CCDC158: variants seen among roughly 807,000 people sequenced by gnomAD.
CCDC158 encodes coiled-coil domain-containing protein 158.
In CCDC158, 116 loss-of-function variants were observed where a neutral mutation model predicts 138.6. That is an observed-to-expected ratio of 0.84 (90% CI 0.72 to 0.98). CCDC158 has a LOEUF of 0.98. Ranked by LOEUF, CCDC158 falls within the 50% of genes least tolerant of loss-of-function variation. The probability of loss-of-function intolerance (pLI) is 0.00; values close to 1 mark genes in which losing one functional copy is unlikely to be tolerated. For synonymous variants in CCDC158, 436 were observed against 442.4 expected (o/e 0.99, Z 0.18); for missense variants, 1,265 against 1,306.1 (o/e 0.97, Z 0.48).
At chr4:76,349,754 G>A (rs1722883556) in intron 18 of CCDC158, among the ~76,000 whole-genome samples, 1 of 152,134 alleles carries the variant, frequency 6.6e-6, no homozygotes, top group Admixed American at 6.5e-5. Context: ...TTCAGTGATG[G>A]ATGCCATTCT....
chr4:76,371,607 G>T, intron 9 of CCDC158, 71 bp from the exon 10 acceptor site: 1 of 1,539,504 alleles, frequency 6.5e-7, no homozygotes, highest in Non-Finnish European at 8.9e-7. Flanking sequence ...TATAGACTTT[G>T]GAAAACAAAT....
At chr4:76,326,128 G>T in intron 22 of CCDC158, 113 bp from the exon 23 acceptor site, 1 of 824,802 alleles carries the variant, frequency 1.2e-6, no homozygotes, top group Non-Finnish European at 1.9e-6. Context: ...TGGAGGGACA[G>T]GGGGACATTC....
chr4:76,367,874 T>C lies in CCDC158; in HGVS notation c.1348-98A>G, dbSNP rs1724847322. Reference sequence around the variant, plus strand: ...AACTTAAAAGCATGAAATCATGAATTAGGCAATGTTTAGTAAGATCTTTTT... The same window carrying C: ...AACTTAAAAGCATGAAATCATGAATCAGGCAATGTTTAGTAAGATCTTTTT... On this transcript the variant is annotated intron_variant, in intron 11 of 24. Transcript: ENST00000682701. The C allele has an allele frequency of 2.5e-6, 3 of 1,204,854 alleles. No homozygotes were observed. The African/African-American group carries it at 4.7e-5, about 19-fold the overall frequency. 74.6% of individuals were successfully genotyped at this position (1,204,854 alleles called of 1,614,324 possible). A position where few individuals can be genotyped will look rare whatever the true frequency, so the allele number is the denominator to read the frequency against.
intron 22 of CCDC158, 89 bp downstream of exon 22, chr4:76,328,811 G>T: frequency 7.1e-6 from 7 of 990,902 alleles, no homozygotes; most frequent in Non-Finnish European, 1.1e-5. Context: ...AAAAGGACTT[G>T]GAAGATACTG....
chr4:76,371,499 G>A lies in CCDC158; in HGVS notation c.1067C>T (p.Ser356Leu). 1 of 1,614,096 alleles carries A rather than the reference G, an allele frequency of 6.2e-7. No homozygotes were observed. The highest frequency in any genetic ancestry group is 8.5e-7 in the Non-Finnish European group (1 of 1,179,950). ...ELEKQLVLANSELTEARTERD... is the reference protein window; with the variant it reads ...ELEKQLVLANLELTEARTERD... ...CTCTGTCCGGGCTTCAGTTAGCTCTGAGTTGGCAAGGACTAACTGCTTTTC... is the reference window on the plus strand; with the variant it reads ...CTCTGTCCGGGCTTCAGTTAGCTCTAAGTTGGCAAGGACTAACTGCTTTTC... The change falls in exon 10 of 25, where the codon TCA (serine) becomes TTA (leucine). Residue 356 changes from serine to leucine, a missense_variant. Ser to Leu is a moderately radical substitution (Grantham distance 145). Coordinates refer to ENST00000682701, the MANE Select transcript of CCDC158 (RefSeq NM_001394954.1).
intron 10 of CCDC158, 39 bp downstream of exon 10, chr4:76,371,378 C>T (rs1421515789): frequency 1.9e-6 from 3 of 1,584,688 alleles, no homozygotes; most frequent in African/African-American, 1.3e-5. Flanking sequence ...AAAAACTTCC[C>T]AGAATTAGTC....
At chr4:76,336,780 T>TGAGCA (rs1267072303) in intron 18 of CCDC158, among the ~76,000 whole-genome samples, 2 of 152,336 alleles carry the variant, frequency 1.3e-5, no homozygotes, top group East Asian at 3.9e-4. Flanking sequence ...AGGAAAATTC[T>TGAGCA]GAGCAGAGCA....
intron 2 of CCDC158, among the ~76,000 whole-genome samples, chr4:76,411,047 A>T (rs1273077400): frequency 6.6e-6 from 1 of 152,228 alleles, no homozygotes; most frequent in Non-Finnish European, 1.5e-5. Flanking sequence ...CGGCCTTCCT[A>T]CATAGTAACT....
chr4:76,399,412 T>C (rs1158514103), intron 3 of CCDC158, among the ~76,000 whole-genome samples: 3 of 152,040 alleles, frequency 2.0e-5, no homozygotes, highest in African/African-American at 7.2e-5. Context: ...ATGGCACACA[T>C]TTACCTATGC....
chr4:76,390,332 T>C (rs1727201098), intron 4 of CCDC158, among the ~76,000 whole-genome samples: 1 of 152,014 alleles, frequency 6.6e-6, no homozygotes, highest in African/African-American at 2.4e-5. Context: ...TAAGAGAGTA[T>C]TGCAAGCCTC....
intron 11 of CCDC158, among the ~76,000 whole-genome samples, chr4:76,368,492 C>A (rs1354793526): frequency 1.3e-5 from 2 of 152,304 alleles, no homozygotes; most frequent in Non-Finnish European, 2.9e-5. Context: ...AGACCAGTCC[C>A]TTGGTTTGCT....
intron 15 of CCDC158, among the ~76,000 whole-genome samples, chr4:76,353,568 T>C (rs1723254825): frequency 6.6e-6 from 1 of 152,208 alleles, no homozygotes; most frequent in Non-Finnish European, 1.5e-5. Context: ...AGACAGTGTT[T>C]TAGTGAATTA....
At chr4:76,344,754 G>A in intron 18 of CCDC158, 2 of 1,613,262 alleles carry the variant, frequency 1.2e-6, no homozygotes, top group Non-Finnish European at 1.7e-6. Context: ...AACAGACTAT[G>A]CTGGGCTTAT....
intron 18 of CCDC158, among the ~76,000 whole-genome samples, chr4:76,349,776 T>C (rs1045224596): frequency 2.6e-5 from 4 of 152,216 alleles, no homozygotes; most frequent in Non-Finnish European, 4.4e-5. Flanking sequence ...AATAATCAAG[T>C]ACAATCTATA....
chr4:76,331,307 A>G (rs1560791441), intron 21 of CCDC158, 37 bp downstream of exon 21: 1 of 1,568,516 alleles, frequency 6.4e-7, no homozygotes, highest in Admixed American at 1.7e-5. Flanking sequence ...ACAGTCGTAA[A>G]AGGGACATTT....
chr4:76,410,831 C>G (rs1409808611), intron 2 of CCDC158, among the ~76,000 whole-genome samples: 1 of 152,114 alleles, frequency 6.6e-6, no homozygotes, highest in Non-Finnish European at 1.5e-5. Context: ...TCTGTTTTCT[C>G]AATCACACTC....
chr4:76,376,226 T>C (rs954654985), intron 9 of CCDC158, among the ~76,000 whole-genome samples: 4 of 152,126 alleles, frequency 2.6e-5, no homozygotes, highest in African/African-American at 9.7e-5. Context: ...GCTAACTTTT[T>C]ATTTTTGTTT....
At chr4:76,418,773 G>A (rs1729892136) in intron 1 of CCDC158, among the ~76,000 whole-genome samples, 1 of 152,154 alleles carries the variant, frequency 6.6e-6, no homozygotes, top group African/African-American at 2.4e-5. Context: ...CGGGAATTGT[G>A]GGAGCTACAA....
At chr4:76,406,239 C>G (rs1007032039) in intron 2 of CCDC158, among the ~76,000 whole-genome samples, 1 of 152,162 alleles carries the variant, frequency 6.6e-6, no homozygotes, top group Non-Finnish European at 1.5e-5. Context: ...AGAGCATTAA[C>G]TAAAACAAAT....
Sources: allele counts gnomAD v4.1 joint callset (sites outside exome capture counted in the v4.1 genomes callset), GRCh38; gene constraint gnomAD v4.1.1; transcripts MANE v1.5; gene names NCBI Gene and HGNC (gene_info 2026-07-23, HGNC 2026-07-21).